MACF1: variants seen among roughly 807,000 people sequenced by gnomAD.
The protein encoded by MACF1 is microtubule actin crosslinking factor 1.
MACF1 carries 193 observed loss-of-function variants against 854.8 expected under a neutral mutation model. That is an observed-to-expected ratio of 0.23 (90% CI 0.20 to 0.25). The LOEUF (loss-of-function observed/expected upper bound fraction) is 0.25, where lower values mean the gene tolerates loss of function less well. Among genes scored for constraint, MACF1 ranks in the 10% least tolerant of loss-of-function variants. MACF1 has a pLI of 1.00. For synonymous variants in MACF1, 3,185 were observed against 3,226.7 expected (o/e 0.99, Z 0.44); for missense variants, 7,722 against 8,929.1 (o/e 0.86, Z 5.45).
intron 28 of MACF1, among the ~76,000 whole-genome samples, 163 bp from the exon 29 acceptor site, chr1:39,317,051 G>A (rs962391686): frequency 1.3e-5 from 2 of 152,262 alleles, no homozygotes; most frequent in Admixed American, 1.3e-4. Flanking sequence ...CAGGAAAGCA[G>A]AGACCATGAC....
chr1:39,458,241 A>AG, intron 89 of MACF1, 129 bp from the exon 90 acceptor site: 1 of 780,904 alleles, frequency 1.3e-6, no homozygotes, highest in Non-Finnish European at 2.0e-6. Context: ...AACTCAACTC[A>AG]GGCACCAGCC....
At chr1:39,208,413 C>T (rs1028260532) in intron 1 of MACF1, among the ~76,000 whole-genome samples, 2 of 152,128 alleles carry the variant, frequency 1.3e-5, no homozygotes, top group African/African-American at 4.8e-5. Context: ...TGTCATCTTA[C>T]TTAACTTGCC....
chr1:39,413,967 A>G, intron 58 of MACF1: 4 of 1,606,542 alleles, frequency 2.5e-6, no homozygotes, highest in Non-Finnish European at 3.4e-6. Context: ...TAGCAGCTGC[A>G]GTGTCCAACC....
At chr1:39,103,666 T>C (rs1479845157) in intron 2 of MACF1, 2 of 152,350 alleles carry the variant, frequency 1.3e-5, no homozygotes, top group Non-Finnish European at 2.9e-5. Flanking sequence ...GACACCAAAC[T>C]GAGAACTAGT....
chr1:39,293,560 C>T lies in MACF1; in HGVS notation c.2095C>T (p.Leu699=), dbSNP rs1645838289. The change falls in exon 18 of 101, where the codon CTA becomes TTA. Residue 699 remains leucine, a synonymous_variant. Coordinates refer to ENST00000564288, the MANE Select transcript of MACF1 (RefSeq NM_001394062.1). ...IWLNEKEEEE[L]AYDWSDNNSN... ...GTTGAATGAGAAGGAGGAGGAGGAA[C>T]TAGCATATGACTGGAGTGACAACAA... 6.2e-7 allele frequency: 1 copy of T among 1,613,836 alleles called. No individual in the cohort carries two copies. Among genetic ancestry groups the T allele is most frequent in the Non-Finnish European group, 8.5e-7 (1 of 1,179,900 alleles).
In MACF1 at chr1:39,337,208, A is replaced by G; in HGVS notation, c.10092A>G (p.Leu3364=). The part of the protein sequence containing the change: ...TQNVFTRQLC[L]EHDEKLVSYL... ...ATGTATTTACCCGGCAACTCTGTTT[A>G]GAACATGATGAAAAGCTAGTATCCT... The change falls in exon 38 of 101, where the codon TTA becomes TTG. Residue 3364 remains leucine (L), a synonymous_variant. Transcript: ENST00000564288. The G allele has an allele frequency of 1.2e-6, 2 of 1,613,926 alleles. No individual in the cohort carries two copies. Among genetic ancestry groups the G allele is most frequent in the South Asian group, 1.1e-5 (1 of 91,010 alleles).
chr1:39,424,299 G>A lies in MACF1; in HGVS notation c.16316+105G>A, dbSNP rs1643653747. 6.7e-6 allele frequency: 6 copies of A among 891,098 alleles called. No homozygotes were observed. In the Admixed American group the frequency reaches 8.8e-5, roughly 13 times the overall value. The allele number at this position is 891,098 out of a possible 1,614,324, so 55.2% of individuals were successfully genotyped here. On this transcript the variant is annotated intron_variant, in intron 61 of 100. Coordinates refer to ENST00000564288, the MANE Select transcript of MACF1 (RefSeq NM_001394062.1). The stretch of plus-strand genomic sequence containing the variant: ...GATGATTCATATAGATTTTTGGAAG[G>A]TGTTTAATGGCTTTTATTTGAAATG...
In MACF1 at chr1:39,484,621, C is replaced by G. The variant is rs140592136; in HGVS notation, c.22302C>G (p.Ser7434Arg). 4 of 1,613,646 alleles carry G rather than the reference C, an allele frequency of 2.5e-6. No individual in the cohort carries two copies. The South Asian group carries it at 4.4e-5, about 18-fold the overall frequency. ...PTPEVIPSSG[S>R]KLKRPTPTFH... is the part of the protein sequence containing the mutation. The stretch of plus-strand genomic sequence containing the variant: ...TTAAGGTTATCCCATCATCAGGTAG[C>G]AAGTTGAAACGACCAACACCAACTT... Residue 7434 changes from serine to arginine, a missense_variant, in exon 100 of 101, where the codon AGC becomes AGG. By Grantham distance (110) the Ser-to-Arg change is moderately radical (BLOSUM62 -1). Transcript: ENST00000564288.
At chr1:39,354,531 A>C (rs1198078077) in intron 44 of MACF1, among the ~76,000 whole-genome samples, 1 of 152,094 alleles carries the variant, frequency 6.6e-6, no homozygotes, top group Non-Finnish European at 1.5e-5. Flanking sequence ...CAGCCTCCCA[A>C]GTAGCTAAGA....
At chr1:39,135,829 C>T (rs912753802) in intron 2 of MACF1, among the ~76,000 whole-genome samples, 2 of 152,166 alleles carry the variant, frequency 1.3e-5, no homozygotes, top group African/African-American at 4.8e-5. Context: ...TCTTGCTTCT[C>T]TCCCTCTCTC....
At position 39,452,275 on chromosome 1, in the gene MACF1, A is replaced by G; in HGVS notation, c.20538A>G (p.Glu6846=). ...DTTWVKGQLQ[E]LSTRWDTVCK... ...CTTGGGTAAAAGGACAGCTCCAGGAACTGAGCACTCGCTGGGACACTGTCT... is the reference window on the plus strand; with the variant it reads ...CTTGGGTAAAAGGACAGCTCCAGGAGCTGAGCACTCGCTGGGACACTGTCT... The change falls in exon 86 of 101, where the codon GAA becomes GAG. Residue 6846 remains glutamate (E), a synonymous_variant. Transcript: ENST00000564288. 1 of 1,614,212 alleles carries G rather than the reference A, an allele frequency of 6.2e-7. No homozygotes were observed. Among genetic ancestry groups the G allele is most frequent in the Non-Finnish European group, 8.5e-7 (1 of 1,180,032 alleles).
Position 39,322,622 on chromosome 1 carries a change from A to G in MACF1, c.4044A>G (p.Gln1348=). Residue 1348 remains glutamine, a synonymous_variant, in exon 32 of 101, where the codon CAA becomes CAG. Coordinates refer to ENST00000564288, the MANE Select transcript of MACF1 (RefSeq NM_001394062.1). ...YSTIVKDYEL[Q]LMTYKAFVES... ...TCCTTTCCTAGGACTATGAATTGCAACTGATGACATACAAGGCCTTTGTGG... is the reference window on the plus strand; with the variant it reads ...TCCTTTCCTAGGACTATGAATTGCAGCTGATGACATACAAGGCCTTTGTGG... 2 of 1,614,032 alleles carry G rather than the reference A, an allele frequency of 1.2e-6. No individual in the cohort carries two copies. The highest frequency in any genetic ancestry group is 1.7e-6 in the Non-Finnish European group (2 of 1,179,866).
chr1:39,461,775 G>C (rs1239077658), intron 92 of MACF1, 108 bp from the exon 93 acceptor site: 4 of 858,468 alleles, frequency 4.7e-6, no homozygotes, highest in Non-Finnish European at 6.8e-6. Flanking sequence ...CTGGGCGACA[G>C]AGCAAGACCT....
intron 2 of MACF1, among the ~76,000 whole-genome samples, chr1:39,181,980 A>G (rs1644109468): frequency 6.6e-6 from 1 of 151,976 alleles, no homozygotes; most frequent in Non-Finnish European, 1.5e-5. Flanking sequence ...GTGAAACCCC[A>G]TTTCTACTAA....
At chr1:39,187,848 T>C (rs199848814) in intron 2 of MACF1, among the ~76,000 whole-genome samples, 10 of 40,278 alleles carry the variant, frequency 2.5e-4, no homozygotes, top group East Asian at 1.2e-3. Context: ...GAGGCTGTCT[T>C]TCTCTCTCTC....
At chr1:39,225,014 G>C (rs1644697811) in intron 1 of MACF1, among the ~76,000 whole-genome samples, 1 of 152,008 alleles carries the variant, frequency 6.6e-6, no homozygotes, top group Admixed American at 6.6e-5. Context: ...CTGACACCCT[G>C]TCTCTACAAA....
chr1:39,284,780 T>C (rs952734594), intron 11 of MACF1, among the ~76,000 whole-genome samples: 1 of 152,284 alleles, frequency 6.6e-6, no homozygotes, highest in South Asian at 2.1e-4. Context: ...TTTGAAGTTG[T>C]AGAAATGAGA....
rs760224199 is a variant in MACF1 at position 39,283,401 on chromosome 1, T to C, written c.809-8T>C. ...TGACTAAGAAATTTCTTGTCCATTC[T>C]CTCTCAGATGTGGATGTGCCATCTC... On this transcript the variant is annotated splice_polypyrimidine_tract_variant and splice_region_variant and intron_variant, in intron 8 of 100. Transcript: ENST00000564288. This position sits in a 1 kb window ranked among gnomAD's most constrained non-coding sequence, Gnocchi z 4.5. The C allele has an allele frequency of 6.2e-6, 10 of 1,600,054 alleles. No individual in the cohort carries two copies. The Admixed American group carries it at 1.7e-4, about 27-fold the overall frequency.
chr1:39,179,352 A>G (rs367961708), intron 2 of MACF1, among the ~76,000 whole-genome samples: 1 of 152,168 alleles, frequency 6.6e-6, no homozygotes, highest in East Asian at 1.9e-4. Context: ...GATGAACCAT[A>G]CATGGGAGAG....
Sources: allele counts gnomAD v4.1 joint callset (sites outside exome capture counted in the v4.1 genomes callset), GRCh38; gene constraint gnomAD v4.1.1; non-coding constraint Gnocchi (gnomAD v3.1); transcripts MANE v1.5; gene names NCBI Gene and HGNC (gene_info 2026-07-23, HGNC 2026-07-21).